UNC79: variants seen among roughly 807,000 people sequenced by gnomAD.
UNC79 encodes the protein protein unc-79 homolog.
Under a neutral mutation model 283.1 loss-of-function variants are expected in UNC79, and 37 were observed. The ratio of observed to expected loss-of-function variants is 0.13; its 90% CI spans 0.10 to 0.17. UNC79 has a LOEUF of 0.17. UNC79 is among the 10% of genes least tolerant of loss of function. The pLI, the probability that UNC79 is intolerant of heterozygous loss-of-function variation, is 1.00. For synonymous variants in UNC79, 1,107 were observed against 1,200.2 expected (o/e 0.92, Z 1.61); for missense variants, 2,272 against 3,211.1 (o/e 0.71, Z 7.07).
chr14:93,476,271 G>C (rs1188070148), intron 3 of UNC79, among the ~76,000 whole-genome samples: 1 of 152,174 alleles, frequency 6.6e-6, no homozygotes, highest in African/African-American at 2.4e-5. Context: ...CAGTTCAACT[G>C]CTAACTCTCA....
Position 93,418,833 on chromosome 14 carries a change from G to A in UNC79, c.-350-48838G>A, listed in dbSNP as rs142877386. 1.1e-3 allele frequency among the ~76,000 whole-genome samples: 173 copies of A among 151,728 alleles called. 2 individuals carry two copies. The highest frequency in any genetic ancestry group is 3.9e-3 in the African/African-American group (160 of 41,488). On this transcript the variant is annotated intron_variant, in intron 1 of 49. Transcript: ENST00000256339. The stretch of plus-strand genomic sequence containing the variant: ...GCGTAGGATCCTCCAAGCCAGGTGC[G>A]CAATATAATCTCCTGGTGCGCCATT...
At chr14:93,571,187 G>A (rs980508764) in intron 14 of UNC79, among the ~76,000 whole-genome samples, 1 of 152,108 alleles carries the variant, frequency 6.6e-6, no homozygotes, top group Non-Finnish European at 1.5e-5. Context: ...GTGTTATTTA[G>A]TAAAGACTCA....
intron 7 of UNC79, among the ~76,000 whole-genome samples, chr14:93,517,901 G>C (rs2146508): frequency 0.55 from 79,562 of 144,830 alleles, 21,298 homozygotes; most frequent in Admixed American, 0.66. Context: ...GTATATGTGA[G>C]TGTGTGTGTG....
At chr14:93,551,296 G>T (rs369000990) in intron 14 of UNC79, among the ~76,000 whole-genome samples, 1 of 152,152 alleles carries the variant, frequency 6.6e-6, no homozygotes, top group South Asian at 2.1e-4. Context: ...TGATCTGCCC[G>T]CCTCGGCCTC....
intron 17 of UNC79, 24 bp from the exon 18 acceptor site, chr14:93,577,816 CTA>C (rs2063557544): frequency 6.2e-7 from 1 of 1,609,134 alleles, no homozygotes; most frequent in Non-Finnish European, 8.5e-7. Context: ...GAGTTCATTT[CTA>C]TGTGTTGCCA....
intron 14 of UNC79, among the ~76,000 whole-genome samples, chr14:93,560,403 A>G (rs1288643712): frequency 6.6e-6 from 1 of 152,180 alleles, no homozygotes; most frequent in African/African-American, 2.4e-5. Context: ...TTGGAGGACA[A>G]CTGCAGCTTA....
At chr14:93,622,530 A>T (rs769767953) in exon 30 of UNC79, 1 of 1,613,884 alleles carries the variant, frequency 6.2e-7, no homozygotes, top group Non-Finnish European at 8.5e-7. Context: ...GATCACCCTG[A>T]CCCGGGCACT....
chr14:93,664,404 T>C (rs553289806), intron 40 of UNC79, among the ~76,000 whole-genome samples: 1 of 152,146 alleles, frequency 6.6e-6, no homozygotes, highest in Non-Finnish European at 1.5e-5. Context: ...ACAATCAGAG[T>C]GGTAAGCATA....
chr14:93,585,401 T>G lies in UNC79; in HGVS notation c.2804-1195T>G, dbSNP rs573670400. Among the ~76,000 whole-genome samples, 21 of 152,334 alleles carry G rather than the reference T, an allele frequency of 1.4e-4. 1 individual carries two copies. The South Asian group carries it at 4.3e-3, about 32-fold the overall frequency. On this transcript the variant is annotated intron_variant, in intron 20 of 48. Coordinates refer to ENST00000555664, the Ensembl canonical transcript of UNC79. ...TCCCCTCCCTTCTAGTGTGTTTCCC[T>G]TTTTCCCATCTTGAGGCCTGGCCCT...
At position 93,387,801 on chromosome 14, in the gene UNC79, G is replaced by A. The variant is rs181632075; in HGVS notation, c.-351+54278G>A. Among the ~76,000 whole-genome samples, 45 of 152,226 alleles carry A rather than the reference G, an allele frequency of 3.0e-4. 1 individual carries two copies. The East Asian group carries it at 6.4e-3, about 22-fold the overall frequency. ...AGTACAATGTTTCTTTGTTGATTTC[G>A]TCTGGAAGATCTGTTCAGTACTTAA... On this transcript the variant is annotated intron_variant, in intron 1 of 49. Coordinates refer to the UNC79 transcript ENST00000256339.
Position 93,690,432 on chromosome 14 carries a change from C to T in UNC79, c.7272+129C>T. 1 of 1,037,180 alleles carries T rather than the reference C, an allele frequency of 9.6e-7. No homozygotes were observed. The highest frequency in any genetic ancestry group is 1.8e-5 in the South Asian group (1 of 55,656). The allele number at this position is 1,037,180 out of a possible 1,614,324, so 64.2% of individuals were successfully genotyped here. On this transcript the variant is annotated intron_variant, in intron 45 of 48. Transcript: ENST00000555664. This position sits in a 1 kb window ranked among gnomAD's most constrained non-coding sequence, Gnocchi z 4.3. ...TGCCCTCCTGTGGATGTTAGAAACA[C>T]AACTTTGTGCTAATGTCTTATTTAA...
intron 1 of UNC79, among the ~76,000 whole-genome samples, chr14:93,386,423 ATTGTT>A (rs2054775816): frequency 6.6e-6 from 1 of 152,022 alleles, no homozygotes; most frequent in Non-Finnish European, 1.5e-5. Context: ...ATACTGGCCT[ATTGTT>A]TTCTATTTTT....
chr14:93,422,521 C>A (rs190704670), intron 1 of UNC79, among the ~76,000 whole-genome samples: 1 of 152,254 alleles, frequency 6.6e-6, no homozygotes, highest in East Asian at 1.9e-4. Flanking sequence ...CCCCTCCATT[C>A]CCATCACGTT....
At chr14:93,626,432 T>A (rs886560885) in intron 30 of UNC79, among the ~76,000 whole-genome samples, 2 of 152,088 alleles carry the variant, frequency 1.3e-5, no homozygotes, top group Non-Finnish European at 2.9e-5. Context: ...CCTAAAATTC[T>A]CCCTTCTGTA....
intron 1 of UNC79, among the ~76,000 whole-genome samples, chr14:93,381,760 T>C (rs375857221): frequency 6.6e-6 from 1 of 152,208 alleles, no homozygotes; most frequent in East Asian, 1.9e-4. Context: ...GTGTATGAAC[T>C]TCAAAGAAAG....
intron 1 of UNC79, among the ~76,000 whole-genome samples, chr14:93,359,032 G>A (rs1439099178): frequency 1.3e-5 from 2 of 152,238 alleles, no homozygotes; most frequent in African/African-American, 4.8e-5. Flanking sequence ...TGGATATTAA[G>A]GGTGTGGGAT....
chr14:93,686,327 A>G (rs956278567), intron 42 of UNC79, among the ~76,000 whole-genome samples: 2 of 152,240 alleles, frequency 1.3e-5, no homozygotes, highest in African/African-American at 4.8e-5. Flanking sequence ...TACCCAGTGG[A>G]TAAAAGCATT....
chr14:93,346,703 G>A (rs904453001), intron 1 of UNC79, among the ~76,000 whole-genome samples: 1 of 152,148 alleles, frequency 6.6e-6, no homozygotes, highest in African/African-American at 2.4e-5. Flanking sequence ...CAATGCCAGG[G>A]CATGTTAAGA....
chr14:93,333,462 A>G (rs1595354799), exon 1 of UNC79: 1 of 398,640 alleles, frequency 2.5e-6, no homozygotes, highest in Non-Finnish European at 4.4e-6. Context: ...TTCCGCGGAA[A>G]GTCATTGCTG....
Sources: gnomAD v4.1 joint callset for allele counts (sites outside exome capture counted in the v4.1 genomes callset) on GRCh38, gnomAD v4.1.1 for gene constraint, Gnocchi (gnomAD v3.1) non-coding constraint, MANE v1.5 for transcripts, NCBI Gene and HGNC (gene_info 2026-07-23, HGNC 2026-07-21) for gene names.